Variants in DPYD observed in about 807,000 individuals in gnomAD.
DPYD encodes dihydropyrimidine dehydrogenase [NADP(+)].
In DPYD, 109 loss-of-function variants were observed where a neutral mutation model predicts 116.2. The observed-to-expected ratio is 0.94, with a 90% CI of 0.80 to 1.10. The LOEUF is 1.10. Among genes scored for constraint, DPYD ranks in the 50% least tolerant of loss-of-function variants. The pLI, the probability that DPYD is intolerant of heterozygous loss-of-function variation, is 0.00. For missense variants in DPYD, 1,302 were observed against 1,254.5 expected (o/e 1.04, Z -0.57); for synonymous variants, 440 against 432.0 (o/e 1.02, Z -0.23).
At chr1:97,730,012 C>T (rs1406281581) in intron 4 of DPYD, among the ~76,000 whole-genome samples, 1 of 152,038 alleles carries the variant, frequency 6.6e-6, no homozygotes, top group Non-Finnish European at 1.5e-5. Flanking sequence ...CAGCTTTTTT[C>T]CAATTGGAAG....
At chr1:97,376,892 T>TATATATATATATATATATATATATAC (rs1557668504) in intron 15 of DPYD, among the ~76,000 whole-genome samples, 5 of 148,076 alleles carry the variant, frequency 3.4e-5, no homozygotes, top group Admixed American at 2.8e-4. Flanking sequence ...TGTGTGTATA[T>TATATATATATATATATATATATATAC]ATATATATAT....
At position 97,406,709 on chromosome 1, in the gene DPYD, G is replaced by A. The variant is rs114396162; in HGVS notation, c.1906-24248C>T. On this transcript the variant is annotated intron_variant, in intron 14 of 22. Transcript: ENST00000370192. ...GTGGCAACTTCCAAGTACCTTACAT[G>A]TGTAACCGGAAACAAGCTATCATAT... is the stretch of plus-strand genomic sequence containing the variant. Among the ~76,000 whole-genome samples, 1,022 of 152,156 alleles carry A rather than the reference G, an allele frequency of 6.7e-3. 15 individuals carry two copies. The highest frequency in any genetic ancestry group is 0.023 in the African/African-American group (972 of 41,502).
intron 1 of DPYD, among the ~76,000 whole-genome samples, chr1:97,914,890 C>A (rs556762929): frequency 1.4e-3 from 215 of 152,226 alleles, no homozygotes; most frequent in African/African-American, 4.8e-3. Context: ...CTTTCATAAT[C>A]TTTTAACTTC....
intron 8 of DPYD, among the ~76,000 whole-genome samples, chr1:97,609,074 C>T (rs375569169): frequency 6.6e-6 from 1 of 151,820 alleles, no homozygotes; most frequent in South Asian, 2.1e-4. Context: ...ATTCCAAATG[C>T]CTTTGGTTTA....
At chr1:97,657,048 A>G (rs1658958376) in intron 8 of DPYD, among the ~76,000 whole-genome samples, 1 of 150,250 alleles carries the variant, frequency 6.7e-6, no homozygotes, top group Admixed American at 6.6e-5. Context: ...GCTCACCACA[A>G]CCTCTATCTA....
chr1:97,694,947 T>C (rs747063467), intron 6 of DPYD, among the ~76,000 whole-genome samples: 1 of 152,208 alleles, frequency 6.6e-6, no homozygotes, highest in Non-Finnish European at 1.5e-5. Flanking sequence ...CCCATTTTTA[T>C]TACCAACTCT....
intron 20 of DPYD, among the ~76,000 whole-genome samples, chr1:97,140,826 T>G (rs1378534247): frequency 6.6e-6 from 1 of 152,168 alleles, no homozygotes; most frequent in African/African-American, 2.4e-5. Context: ...ACTCTGGGAT[T>G]TTATCCATAG....
At chr1:97,762,222 A>C (rs1665612451) in intron 3 of DPYD, among the ~76,000 whole-genome samples, 1 of 152,216 alleles carries the variant, frequency 6.6e-6, no homozygotes, top group Admixed American at 6.5e-5. Flanking sequence ...TACATTCCAG[A>C]GAGGACATAG....
intron 1 of DPYD, among the ~76,000 whole-genome samples, chr1:97,912,205 G>A (rs139077179): frequency 7.6e-4 from 116 of 152,014 alleles, no homozygotes; most frequent in Middle Eastern, 3.4e-3. Context: ...AAACGAGAAC[G>A]GCAGAACCAA....
intron 3 of DPYD, among the ~76,000 whole-genome samples, chr1:97,796,509 T>C (rs889321733): frequency 2.0e-5 from 3 of 152,078 alleles, no homozygotes; most frequent in South Asian, 2.1e-4. Context: ...GAGTTACATA[T>C]ATGAGATGCC....
At chr1:97,505,755 C>A (rs544813833) in intron 13 of DPYD, among the ~76,000 whole-genome samples, 2 of 151,804 alleles carry the variant, frequency 1.3e-5, no homozygotes, top group Non-Finnish European at 2.9e-5. Context: ...TGCCCAGATA[C>A]CTAAAAATGG....
At chr1:97,146,973 G>A (rs1029540781) in intron 20 of DPYD, among the ~76,000 whole-genome samples, 3 of 152,168 alleles carry the variant, frequency 2.0e-5, no homozygotes, top group Non-Finnish European at 2.9e-5. Context: ...AATGTATTGA[G>A]GCTGTTATAG....
rs1648893385 is a variant in DPYD at position 97,077,789 on chromosome 1, G to A, written c.*1187C>T. ...TTATTTGATATTATTCAGTAATACA[G>A]GTTTTGTGGCAAATATGCATTTCTA... On this transcript the variant is annotated 3_prime_UTR_variant, in exon 23 of 23. Transcript: ENST00000370192. The A allele has an allele frequency of 6.6e-6, 1 of 152,006 alleles. No homozygotes were observed. Among genetic ancestry groups the A allele is most frequent in the African/African-American group, 2.4e-5 (1 of 41,398 alleles). The allele number at this position is 152,006 out of a possible 1,614,324, so 9.4% of individuals were successfully genotyped here. A position where few individuals can be genotyped will look rare whatever the true frequency, so the allele number is the denominator to read the frequency against.
chr1:97,706,156 G>A (rs1338278091), intron 5 of DPYD, among the ~76,000 whole-genome samples: 1 of 151,616 alleles, frequency 6.6e-6, no homozygotes, highest in African/African-American at 2.4e-5. Flanking sequence ...CATACATTCT[G>A]ATAAAATAGA....
At chr1:97,235,356 G>A (rs776798095) in intron 18 of DPYD, among the ~76,000 whole-genome samples, 37 of 152,258 alleles carry the variant, frequency 2.4e-4, no homozygotes, top group South Asian at 1.0e-3. Flanking sequence ...AGTGGCTCAC[G>A]CCTGTAATCC....
At chr1:97,399,513 C>T (rs1224790171) in intron 14 of DPYD, among the ~76,000 whole-genome samples, 1 of 152,098 alleles carries the variant, frequency 6.6e-6, no homozygotes, top group African/African-American at 2.4e-5. Context: ...ATGGGGATGG[C>T]ATTGAATCTA....
intron 18 of DPYD, among the ~76,000 whole-genome samples, chr1:97,278,272 A>C (rs192490433): frequency 6.6e-6 from 1 of 152,334 alleles, no homozygotes; most frequent in East Asian, 1.9e-4. Flanking sequence ...ATCTCATAAG[A>C]AAGTACCAGA....
intron 18 of DPYD, among the ~76,000 whole-genome samples, chr1:97,247,286 G>T (rs913151219): frequency 9.9e-5 from 15 of 152,072 alleles, no homozygotes; most frequent in Non-Finnish European, 1.0e-4. Context: ...AAAGGAAAAA[G>T]AACTTAAGAC....
chr1:97,647,339 G>A (rs1489489329), intron 8 of DPYD, among the ~76,000 whole-genome samples: 1 of 151,976 alleles, frequency 6.6e-6, no homozygotes, highest in Non-Finnish European at 1.5e-5. Flanking sequence ...GTGATGGGGA[G>A]ATGAGTACAG....
Sources: gnomAD v4.1 joint callset for allele counts (sites outside exome capture counted in the v4.1 genomes callset) on GRCh38, gnomAD v4.1.1 for gene constraint, MANE v1.5 for transcripts, NCBI Gene and HGNC (gene_info 2026-07-23, HGNC 2026-07-21) for gene names.